CGNL1: variants seen among roughly 807,000 people sequenced by gnomAD.
CGNL1 encodes the protein cingulin like 1.
A neutral mutation model predicts 141.2 loss-of-function variants in CGNL1; 132 were observed. The ratio of observed to expected loss-of-function variants is 0.93; its 90% confidence interval spans 0.81 to 1.08. The LOEUF is 1.08. Ranked by LOEUF, CGNL1 falls within the 50% of genes least tolerant of loss-of-function variation. The pLI, the probability that CGNL1 is intolerant of heterozygous loss-of-function variation, is 0.00. For synonymous variants in CGNL1, 690 were observed against 622.1 expected (o/e 1.11, Z -1.63); for missense variants, 1,870 against 1,588.6 (o/e 1.18, Z -3.01).
At chr15:57,475,665 G>A (rs1432786849) in intron 8 of CGNL1, among the ~76,000 whole-genome samples, 3 of 152,084 alleles carry the variant, frequency 2.0e-5, no homozygotes, top group South Asian at 2.1e-4. Flanking sequence ...TCTTCTTGCA[G>A]TGGGGAAAAT....
intron 4 of CGNL1, among the ~76,000 whole-genome samples, chr15:57,449,538 CAG>C (rs1261699820): frequency 6.6e-6 from 1 of 152,038 alleles, no homozygotes; most frequent in Non-Finnish European, 1.5e-5. Context: ...CTCTCACAAT[CAG>C]GGGACCTACA....
intron 11 of CGNL1, among the ~76,000 whole-genome samples, chr15:57,524,068 G>C (rs1481328307): frequency 6.6e-6 from 1 of 152,208 alleles, no homozygotes; most frequent in East Asian, 1.9e-4. Flanking sequence ...AAGGGGTAAA[G>C]GCACAAAGCT....
intron 8 of CGNL1, among the ~76,000 whole-genome samples, chr15:57,490,949 T>C (rs2063852703): frequency 2.0e-5 from 3 of 152,090 alleles, no homozygotes; most frequent in Non-Finnish European, 4.4e-5. Flanking sequence ...AAATATACCT[T>C]GCGCAGTACT....
At chr15:57,400,346 G>T (rs2062646339) in intron 1 of CGNL1, among the ~76,000 whole-genome samples, 1 of 152,150 alleles carries the variant, frequency 6.6e-6, no homozygotes, top group African/African-American at 2.4e-5. Context: ...TTCTGTAACT[G>T]ATACTGTTAG....
rs77028702 is a variant in CGNL1, at chr15:57,438,857, C to A, written c.858C>A (p.Pro286=). The part of the protein sequence containing the change: ...LPFRRQDSAG[P]VLDGARSRRS... ...TCCGGCGACAGGATTCAGCGGGACC[C>A]GTCCTGGATGGAGCTCGGTCCCGGA... Residue 286 remains proline, a synonymous_variant, in exon 2 of 19, where the codon CCC becomes CCA. Transcript: ENST00000281282. The A allele has an allele frequency of 6.8e-6, 11 of 1,614,084 alleles. No individual in the cohort carries two copies. The highest frequency in any genetic ancestry group is 9.3e-6 in the Non-Finnish European group (11 of 1,180,046).
At chr15:57,389,688 G>A (rs188314386) in intron 1 of CGNL1, among the ~76,000 whole-genome samples, 28 of 152,304 alleles carry the variant, frequency 1.8e-4, no homozygotes, top group South Asian at 4.1e-4. Context: ...TAACATAAGC[G>A]TAAATATTTT....
chr15:57,494,529 C>T (rs2063909822), intron 8 of CGNL1, among the ~76,000 whole-genome samples: 3 of 152,158 alleles, frequency 2.0e-5, no homozygotes, highest in Non-Finnish European at 4.4e-5. Flanking sequence ...GTGATTAAGC[C>T]ATTAAAAATA....
At chr15:57,413,854 C>A (rs16977479) in intron 1 of CGNL1, among the ~76,000 whole-genome samples, 7,502 of 152,204 alleles carry the variant, frequency 0.049, 612 homozygotes, top group African/African-American at 0.17. Context: ...CCTTTTCATC[C>A]CCCAGTGTCG....
intron 8 of CGNL1, among the ~76,000 whole-genome samples, chr15:57,499,527 C>A (rs4774947): frequency 0.62 from 94,763 of 152,002 alleles, 31,356 homozygotes; most frequent in Non-Finnish European, 0.76. Flanking sequence ...CGTGAGCCAC[C>A]GTACCTGGCC....
At chr15:57,509,504 G>A (rs1044393097) in intron 8 of CGNL1, among the ~76,000 whole-genome samples, 3 of 152,210 alleles carry the variant, frequency 2.0e-5, no homozygotes, top group Non-Finnish European at 2.9e-5. Context: ...TGTCGGGTCC[G>A]TGTTCCTACA....
At chr15:57,426,049 T>A (rs572711170) in intron 1 of CGNL1, among the ~76,000 whole-genome samples, 1 of 152,284 alleles carries the variant, frequency 6.6e-6, no homozygotes, top group Admixed American at 6.5e-5. Flanking sequence ...GCCACAATTC[T>A]AACTTGTGCC....
intron 8 of CGNL1, among the ~76,000 whole-genome samples, chr15:57,476,875 T>A (rs1307697567): frequency 6.6e-6 from 1 of 152,106 alleles, no homozygotes; most frequent in Non-Finnish European, 1.5e-5. Flanking sequence ...TGAGTAGGAG[T>A]TGGGGACTGG....
rs1555446881 is a variant in CGNL1 at position 57,513,253 on chromosome 15, G to GGGGT, written c.2404-3526_2404-3525insGGTG. 4.7e-3 allele frequency among the ~76,000 whole-genome samples: 629 copies of GGGGT among 134,002 alleles called. 2 individuals carry two copies. The highest frequency in any genetic ancestry group is 0.016 in the African/African-American group (590 of 35,806). 87.9% of individuals were successfully genotyped at this position (134,002 alleles called of 152,430 possible). A position where few individuals can be genotyped will look rare whatever the true frequency, so the allele number is the denominator to read the frequency against. ...AGACTTTCATATAAATGTCAATATG[G>GGGGT]GTGTGTGTGTGTGTGTGTGTGTGTG... is the stretch of plus-strand genomic sequence containing the variant. On this transcript the variant is annotated intron_variant, in intron 8 of 18. Coordinates refer to ENST00000281282, the MANE Select transcript of CGNL1 (RefSeq NM_032866.5).
chr15:57,516,657 G>C (rs2030824846), intron 8 of CGNL1, 123 bp from the exon 9 acceptor site: 6 of 1,012,960 alleles, frequency 5.9e-6, no homozygotes, highest in African/African-American at 1.6e-5. Context: ...CCGACCCCTG[G>C]CTCAGCACAG....
At chr15:57,515,829 C>T (rs1337484438) in intron 8 of CGNL1, among the ~76,000 whole-genome samples, 1 of 152,084 alleles carries the variant, frequency 6.6e-6, no homozygotes, top group African/African-American at 2.4e-5. Context: ...TGAAAAAAAT[C>T]TGTACTCCGA....
rs1452094483 is a variant in CGNL1, at chr15:57,550,272, T to C, written c.*2782T>C. 6.6e-6 allele frequency: 1 copy of C among 152,552 alleles called. No individual in the cohort carries two copies. Among genetic ancestry groups the C allele is most frequent in the Non-Finnish European group, 1.5e-5 (1 of 68,040 alleles). The allele number at this position is 152,552 out of a possible 1,614,324, so 9.4% of individuals were successfully genotyped here. A position where few individuals can be genotyped will look rare whatever the true frequency, so the allele number is the denominator to read the frequency against. The stretch of plus-strand genomic sequence containing the variant: ...CATCTCACCCCAGTGACTTTGACAG[T>C]GTGCTCACTCTCAGAGCCATGGATT... On this transcript the variant is annotated 3_prime_UTR_variant, in exon 19 of 19. Transcript: ENST00000281282.
intron 1 of CGNL1, among the ~76,000 whole-genome samples, chr15:57,425,865 G>A (rs1253249512): frequency 6.6e-6 from 1 of 151,768 alleles, no homozygotes; most frequent in African/African-American, 2.4e-5. Context: ...TGGATTACCA[G>A]TCTAATTTCT....
At chr15:57,393,504 A>AGT (rs768365519) in intron 1 of CGNL1, among the ~76,000 whole-genome samples, 6 of 152,208 alleles carry the variant, frequency 3.9e-5, no homozygotes, top group East Asian at 3.9e-4. Flanking sequence ...GTACCTTTTC[A>AGT]GTGTGTGTGT....
chr15:57,496,804 C>T (rs2063945160), intron 8 of CGNL1, among the ~76,000 whole-genome samples: 1 of 152,164 alleles, frequency 6.6e-6, no homozygotes, highest in Non-Finnish European at 1.5e-5. Flanking sequence ...AGGATAATTA[C>T]AGAGCCCAGC....
Sources: allele counts gnomAD v4.1 joint callset (sites outside exome capture counted in the v4.1 genomes callset), GRCh38; gene constraint gnomAD v4.1.1; transcripts MANE v1.5; gene names NCBI Gene and HGNC (gene_info 2026-07-23, HGNC 2026-07-21).